ESPNL: variants seen among roughly 807,000 people sequenced by gnomAD.
The protein encoded by ESPNL is espin-like protein.
Under a neutral mutation model 46.8 loss-of-function variants are expected in ESPNL, and 49 were observed. The observed-to-expected ratio is 1.05, with a 90% confidence interval of 0.83 to 1.33. The LOEUF is 1.33. Ranked by LOEUF, ESPNL falls within the 40% of genes most tolerant of loss-of-function variation. ESPNL has a pLI of 0.00. For synonymous variants in ESPNL, 664 were observed against 662.1 expected, an observed-to-expected ratio of 1.00 and a Z score of -0.04; for missense variants, 1,540 against 1,436.6, an observed-to-expected ratio of 1.07 and a Z score of -1.16.
chr2:238,127,336 C>T, intron 6 of ESPNL: 1 of 1,242,788 alleles, frequency 8.0e-7, no homozygotes. Context: ...TAGGGGCGGC[C>T]TCAAGCCCTT....
At chr2:238,128,610 C>A in intron 7 of ESPNL, 97 bp from the exon 8 acceptor site, 1 of 1,249,284 alleles carries the variant, frequency 8.0e-7, no homozygotes, top group Non-Finnish European at 1.1e-6. Flanking sequence ...GTTAGCGTGC[C>A]CTGGGCGGAG....
At chr2:238,126,331 T>C (rs879458034) in intron 6 of ESPNL, among the ~76,000 whole-genome samples, 25 of 144,520 alleles carry the variant, frequency 1.7e-4, no homozygotes, top group Non-Finnish European at 3.4e-4. Flanking sequence ...TGTGTCTGTG[T>C]GTCTGTATGT....
Position 238,101,955 on chromosome 2 carries a change from G to A in ESPNL, c.309G>A (p.Ser103=), listed in dbSNP as rs374983702. The change falls in exon 2 of 9, where the codon TCG becomes TCA. Residue 103 remains serine, a synonymous_variant. Coordinates refer to ENST00000343063, the MANE Select transcript of ESPNL (RefSeq NM_194312.4). ...GGCGLQDQDA[S]GVSPLHLAAR... ...GGGCTTGGTAGGACCAAGATGCCTC[G>A]GGCGTCTCCCCGCTGCACCTGGCCG... The A allele has an allele frequency of 1.3e-4, 206 of 1,608,790 alleles. No individual in the cohort carries two copies. The African/African-American group carries it at 1.5e-3, about 11-fold the overall frequency.
intron 8 of ESPNL, 41 bp from the exon 9 acceptor site, chr2:238,130,087 G>A (rs184034301): frequency 4.4e-6 from 7 of 1,574,782 alleles, no homozygotes; most frequent in Non-Finnish European, 6.0e-6. Flanking sequence ...GATGGTGGGT[G>A]GGTGGGCTCA....
chr2:238,123,589 C>A (rs1692034682), intron 5 of ESPNL, among the ~76,000 whole-genome samples: 1 of 152,202 alleles, frequency 6.6e-6, no homozygotes, highest in Non-Finnish European at 1.5e-5. Flanking sequence ...AGATCCCACA[C>A]CCGGCCCAAG....
chr2:238,107,569 T>C (rs1206429286), intron 3 of ESPNL, among the ~76,000 whole-genome samples: 1 of 152,152 alleles, frequency 6.6e-6, no homozygotes, highest in Non-Finnish European at 1.5e-5. Flanking sequence ...CAAATTAAGC[T>C]ACTGCGCTCA....
chr2:238,117,685 C>T (rs1168278877), intron 5 of ESPNL, among the ~76,000 whole-genome samples: 1 of 152,242 alleles, frequency 6.6e-6, no homozygotes, highest in African/African-American at 2.4e-5. Flanking sequence ...CCACTGGTCC[C>T]CAGCCCTTAG....
chr2:238,126,916 C>CCTGTCTGT (rs1559267056), intron 6 of ESPNL, among the ~76,000 whole-genome samples: 2 of 40,848 alleles, frequency 4.9e-5, no homozygotes, highest in Non-Finnish European at 8.3e-5. Context: ...TGTGTATGAT[C>CCTGTCTGT]GTGTCTGTGT....
At chr2:238,109,001 C>T (rs555337376) in intron 4 of ESPNL, among the ~76,000 whole-genome samples, 2 of 152,338 alleles carry the variant, frequency 1.3e-5, no homozygotes, top group East Asian at 3.9e-4. Context: ...CCCTTCCTCT[C>T]ACCATCCCCC....
At chr2:238,115,611 A>G (rs1691798961) in intron 4 of ESPNL, among the ~76,000 whole-genome samples, 1 of 152,238 alleles carries the variant, frequency 6.6e-6, no homozygotes, top group Admixed American at 6.5e-5. Flanking sequence ...GAGAATGAAC[A>G]CTAATTGCAC....
In ESPNL at chr2:238,100,433, G is replaced by A. The variant is rs7578912; in HGVS notation, c.14G>A (p.Arg5Gln). Residue 5 changes from arginine (R) to glutamine (Q), a missense_variant, in exon 1 of 9, where the codon CGG (arginine) becomes CAG (glutamine). Physicochemically the swap from Arg to Gln is conservative, Grantham distance 43 (BLOSUM62 1). Coordinates refer to ENST00000343063, the MANE Select transcript of ESPNL (RefSeq NM_194312.4). ...CCGGGCCAGAGGATGGAGAAGCAGC[G>A]GGCACTCGTGGCCGCCAAGGATGGG... is the stretch of plus-strand genomic sequence containing the variant. MEKQRALVAAKDGDV... is the reference protein window; with the variant it reads MEKQQALVAAKDGDV... The A allele has an allele frequency of 4.4e-3, 6,984 of 1,601,746 alleles. 213 individuals carry two copies. The African/African-American group carries it at 0.075, about 17-fold the overall frequency.
At position 238,131,521 on chromosome 2, in the gene ESPNL, A is replaced by G; in HGVS notation, c.2807A>G (p.Asp936Gly). Residue 936 changes from aspartate (D) to glycine (G), a missense_variant, in exon 9 of 9, where the codon GAT (aspartate) becomes GGT (glycine). Transcript: ENST00000343063. ...FFGSSQRPAW[D>G]TEPGRKSGLT... Reference sequence around the variant, plus strand: ...GGCTCCAGCCAGCGTCCCGCCTGGGATACGGAGCCTGGCCGCAAGTCAGGT... The same window carrying G: ...GGCTCCAGCCAGCGTCCCGCCTGGGGTACGGAGCCTGGCCGCAAGTCAGGT... 2 of 1,611,540 alleles carry G rather than the reference A, an allele frequency of 1.2e-6. No individual in the cohort carries two copies. Among genetic ancestry groups the G allele is most frequent in the African/African-American group, 1.3e-5 (1 of 75,020 alleles).
intron 3 of ESPNL, among the ~76,000 whole-genome samples, chr2:238,106,189 C>T (rs528373382): frequency 6.6e-6 from 1 of 152,166 alleles, no homozygotes; most frequent in Non-Finnish European, 1.5e-5. Context: ...CTGCTACGTT[C>T]CCCGCACCTG....
intron 5 of ESPNL, 115 bp downstream of exon 5, chr2:238,117,149 C>A: frequency 5.2e-6 from 7 of 1,357,852 alleles, no homozygotes; most frequent in Non-Finnish European, 6.9e-6. Flanking sequence ...CCATGTCCAA[C>A]TCATACATGG....
chr2:238,122,678 T>G (rs866894090), intron 5 of ESPNL, among the ~76,000 whole-genome samples: 41 of 152,210 alleles, frequency 2.7e-4, no homozygotes, highest in African/African-American at 9.9e-4. Flanking sequence ...CCCTCTCCAC[T>G]GACAGCAGGT....
intron 5 of ESPNL, among the ~76,000 whole-genome samples, chr2:238,122,799 T>C (rs924208066): frequency 6.6e-6 from 1 of 152,176 alleles, no homozygotes; most frequent in Non-Finnish European, 1.5e-5. Flanking sequence ...TGCGGGGGCA[T>C]TGGGGTGGCC....
chr2:238,127,705 A>T lies in ESPNL; in HGVS notation c.1186A>T (p.Ile396Phe). The change falls in exon 7 of 9, where the codon ATC becomes TTC. Residue 396 changes from isoleucine to phenylalanine, a missense_variant. By Grantham distance (21) the Ile-to-Phe change is conservative. Transcript: ENST00000343063. ...GATGACCAGCCCGGCCCCTCCGAGG[A>T]TCATCACCAGTGCCACGGCTGACCC... is the stretch of plus-strand genomic sequence containing the variant. ...EQMTSPAPPRIITSATADPEG... is the reference protein window; with the variant it reads ...EQMTSPAPPRFITSATADPEG... 1 of 1,611,874 alleles carries T rather than the reference A, an allele frequency of 6.2e-7. No individual in the cohort carries two copies. The highest frequency in any genetic ancestry group is 1.3e-5 in the African/African-American group (1 of 74,880).
chr2:238,117,660 C>T (rs753510021), intron 5 of ESPNL, among the ~76,000 whole-genome samples: 8 of 152,250 alleles, frequency 5.3e-5, no homozygotes, highest in Non-Finnish European at 1.0e-4. Context: ...TGTAAGGACA[C>T]GGATCTTGTC....
chr2:238,127,106 A>T (rs190647309), intron 6 of ESPNL, among the ~76,000 whole-genome samples: 1 of 125,236 alleles, frequency 8.0e-6, no homozygotes, highest in Non-Finnish European at 1.6e-5. Flanking sequence ...CTGTGTCTGT[A>T]TGTGATGTGA....
Sources: allele counts gnomAD v4.1 joint callset (sites outside exome capture counted in the v4.1 genomes callset), GRCh38; gene constraint gnomAD v4.1.1; transcripts MANE v1.5; gene names NCBI Gene and HGNC (gene_info 2026-07-23, HGNC 2026-07-21).